The following KCTD1 variants were observed in gnomAD, a reference collection of about 807,000 sequenced individuals.
The protein encoded by KCTD1 is BTB/POZ domain-containing protein KCTD1.
KCTD1 carries 24 observed loss-of-function variants against 66.0 expected under a neutral mutation model. That is an observed-to-expected ratio of 0.36 (90% CI 0.26 to 0.51). The LOEUF is 0.51. Ranked by LOEUF, KCTD1 falls within the 20% of genes least tolerant of loss-of-function variation. The pLI is 0.95. For missense variants in KCTD1, 943 were observed against 1,205.2 expected (o/e 0.78, Z 3.22); for synonymous variants, 511 against 517.2 (o/e 0.99, Z 0.16).
At chr18:26,594,008 T>TACCCCA (rs1453686375) in intron 1 of KCTD1, among the ~76,000 whole-genome samples, 2 of 152,118 alleles carry the variant, frequency 1.3e-5, no homozygotes, top group Admixed American at 6.5e-5. Context: ...TTAGAGGAAA[T>TACCCCA]ACCCCAACCC....
At chr18:26,586,231 T>G (rs1986468673) in intron 1 of KCTD1, among the ~76,000 whole-genome samples, 1 of 152,242 alleles carries the variant, frequency 6.6e-6, no homozygotes, top group South Asian at 2.1e-4. Flanking sequence ...GTTTTGGTAA[T>G]TCTCATAATT....
intron 1 of KCTD1, among the ~76,000 whole-genome samples, chr18:26,542,759 T>C (rs774795150): frequency 6.6e-6 from 1 of 152,184 alleles, no homozygotes; most frequent in Non-Finnish European, 1.5e-5. Context: ...TTTGGATGAA[T>C]GGGATCCACT....
chr18:26,600,100 C>A, intron 1 of KCTD1: 3 of 1,610,736 alleles, frequency 1.9e-6, no homozygotes, highest in East Asian at 4.5e-5. Flanking sequence ...GGCTTCCCTG[C>A]AGGCTGCTTC....
At chr18:26,641,912 A>G (rs11876102), upstream of KCTD1, among the ~76,000 whole-genome samples, 11,639 of 152,182 alleles carry the variant, frequency 0.076, 478 homozygotes, top group African/African-American at 0.083. Context: ...TACAATACAT[A>G]TGCATATGTA....
At position 26,495,831 on chromosome 18, in the gene KCTD1, C is replaced by T. The variant is rs568478713; in HGVS notation, c.1988+5241G>A. ...AATAACCTATTACACTTGATAGGTT[C>T]GATGAATTAGTAGTATCAATCTACT... On this transcript the variant is annotated intron_variant, in intron 2 of 4. Transcript: ENST00000580059. 8.5e-5 allele frequency among the ~76,000 whole-genome samples: 13 copies of T among 152,108 alleles called. 1 individual carries two copies. Among genetic ancestry groups the T allele is most frequent in the African/African-American group, 1.9e-4 (8 of 41,502 alleles).
intron 3 of KCTD1, among the ~76,000 whole-genome samples, chr18:26,466,018 G>C: frequency 6.8e-6 from 1 of 147,624 alleles, no homozygotes; most frequent in Admixed American, 6.7e-5. Context: ...AAACTCTGGC[G>C]AGTGGGGGCC....
intron 1 of KCTD1, chr18:26,566,106 G>A (rs1985975376): frequency 6.6e-6 from 1 of 152,192 alleles, no homozygotes; most frequent in Non-Finnish European, 1.5e-5. Context: ...GTAGGGACCA[G>A]TTTGTTGAAC....
chr18:26,651,865 A>G (rs989733585), intron 1 of KCTD1, among the ~76,000 whole-genome samples: 1 of 151,944 alleles, frequency 6.6e-6, no homozygotes, highest in African/African-American at 2.4e-5. Flanking sequence ...CCATAGGTGA[A>G]CAAGAGAGAA....
chr18:26,479,924 T>C (rs1431088304), intron 2 of KCTD1, among the ~76,000 whole-genome samples: 1 of 152,214 alleles, frequency 6.6e-6, no homozygotes, highest in Non-Finnish European at 1.5e-5. Flanking sequence ...ATTTGTAAAC[T>C]CTGATGCCTG....
At chr18:26,518,040 C>T (rs899191938) in intron 1 of KCTD1, among the ~76,000 whole-genome samples, 2 of 152,326 alleles carry the variant, frequency 1.3e-5, no homozygotes, top group East Asian at 3.9e-4. Flanking sequence ...GCAGGCTCTG[C>T]AGGGGTAGGA....
At chr18:26,553,827 TAAAA>T (rs10548383) in intron 1 of KCTD1, among the ~76,000 whole-genome samples, 31 of 135,390 alleles carry the variant, frequency 2.3e-4, no homozygotes, top group Admixed American at 2.2e-4. Context: ...CCAGAGAGGG[TAAAA>T]AAAAAAAAAA....
At chr18:26,491,476 G>A (rs184527653) in intron 2 of KCTD1, among the ~76,000 whole-genome samples, 1 of 152,346 alleles carries the variant, frequency 6.6e-6, no homozygotes, top group Non-Finnish European at 1.5e-5. Flanking sequence ...CTGCAGGCAG[G>A]CTTGCACACT....
At chr18:26,644,794 A>G (rs959520074), upstream of KCTD1, among the ~76,000 whole-genome samples, 2 of 151,446 alleles carry the variant, frequency 1.3e-5, no homozygotes, top group South Asian at 4.2e-4. Context: ...GAGAAAGAGG[A>G]AGCAGGGAAG....
chr18:26,570,766 G>A (rs561036856), intron 1 of KCTD1, among the ~76,000 whole-genome samples: 2 of 152,082 alleles, frequency 1.3e-5, no homozygotes, highest in African/African-American at 4.8e-5. Context: ...TTACCATGGG[G>A]TTACCTCCTG....
At chr18:26,647,309 C>G (rs189881949) in intron 1 of KCTD1, among the ~76,000 whole-genome samples, 7 of 145,374 alleles carry the variant, frequency 4.8e-5, no homozygotes, top group African/African-American at 1.8e-4. Flanking sequence ...GAGTTCAAGG[C>G]CAGCCTGGCC....
intron 1 of KCTD1, among the ~76,000 whole-genome samples, chr18:26,527,495 G>T (rs1000970719): frequency 4.7e-5 from 7 of 149,236 alleles, no homozygotes; most frequent in Non-Finnish European, 1.0e-4. Context: ...AAAAAAAAGG[G>T]GGGGGGGCGT....
chr18:26,638,862 G>C (rs1229646204), intron 1 of KCTD1, among the ~76,000 whole-genome samples: 1 of 152,144 alleles, frequency 6.6e-6, no homozygotes, highest in Admixed American at 6.5e-5. Context: ...CTTTTATCAT[G>C]CTGTCCTTAA....
At chr18:26,639,183 A>T (rs1987784695) in intron 1 of KCTD1, among the ~76,000 whole-genome samples, 1 of 152,228 alleles carries the variant, frequency 6.6e-6, no homozygotes, top group Non-Finnish European at 1.5e-5. Context: ...CTCATTGAGC[A>T]GTAGTGAAGT....
intron 2 of KCTD1, among the ~76,000 whole-genome samples, chr18:26,491,337 G>A (rs953945555): frequency 5.3e-5 from 8 of 152,216 alleles, no homozygotes; most frequent in East Asian, 1.9e-4. Context: ...CATTCTTTCC[G>A]GTGGGCACAC....
Sources: allele counts gnomAD v4.1 joint callset (sites outside exome capture counted in the v4.1 genomes callset), GRCh38; gene constraint gnomAD v4.1.1; transcripts MANE v1.5; gene names NCBI Gene and HGNC (gene_info 2026-07-23, HGNC 2026-07-21).